The following LSR variants were observed in gnomAD, a reference collection of about 807,000 sequenced individuals.
LSR encodes lipolysis-stimulated lipoprotein receptor.
Under a neutral mutation model 61.8 loss-of-function variants are expected in LSR, and 44 were observed. The ratio of observed to expected loss-of-function variants is 0.71; its 90% CI spans 0.56 to 0.91. LSR has a LOEUF of 0.91. Among genes scored for constraint, LSR ranks in the 40% least tolerant of loss-of-function variants. LSR has a pLI of 0.00. For synonymous variants in LSR, 397 were observed against 350.6 expected, an observed-to-expected ratio of 1.13 and a Z score of -1.48; for missense variants, 911 against 830.5, an observed-to-expected ratio of 1.10 and a Z score of -1.19.
chr19:35,249,197 G>A (rs2065757866), intron 1 of LSR, 66 bp downstream of exon 1: 3 of 1,484,862 alleles, frequency 2.0e-6, no homozygotes, highest in Non-Finnish European at 2.7e-6. Context: ...GATGGATGGA[G>A]TTGGAGGCGG....
At chr19:35,261,587 C>A (rs1418558539) in intron 3 of LSR, among the ~76,000 whole-genome samples, 2 of 152,136 alleles carry the variant, frequency 1.3e-5, no homozygotes, top group Admixed American at 1.3e-4. Context: ...ACAGGACATC[C>A]CTATCACCGT....
intron 2 of LSR, among the ~76,000 whole-genome samples, chr19:35,258,531 G>C (rs1184652686): frequency 1.3e-5 from 2 of 151,754 alleles, no homozygotes; most frequent in African/African-American, 4.8e-5. Context: ...CTTGAGTCCA[G>C]GAGGTTGAAG....
chr19:35,252,100 C>T (rs1244688166), intron 2 of LSR, among the ~76,000 whole-genome samples: 1 of 151,868 alleles, frequency 6.6e-6, no homozygotes, highest in East Asian at 2.0e-4. Context: ...TCCCAAAGTG[C>T]TGGGATTACA....
chr19:35,267,533 C>G lies in LSR; in HGVS notation c.1569C>G (p.Thr523=). ...PADPRSHHHR[T]RDPRDNGSRS... is the part of the protein sequence containing the mutation. ...ACCCCAGGTCCCACCACCACCGTAC[C>G]CGGGACCCTCGGGACAACGGCTCCA... Residue 523 remains threonine, a synonymous_variant, in exon 9 of 10, where the codon ACC becomes ACG. Coordinates refer to ENST00000605618, the MANE Select transcript of LSR (RefSeq NM_205834.4). The G allele has an allele frequency of 6.2e-7, 1 of 1,612,284 alleles. No homozygotes were observed. Among genetic ancestry groups the G allele is most frequent in the Non-Finnish European group, 8.5e-7 (1 of 1,179,774 alleles).
chr19:35,266,748 C>T lies in LSR; in HGVS notation c.1012+10C>T, dbSNP rs760360622. 1 of 1,608,976 alleles carries T rather than the reference C, an allele frequency of 6.2e-7. No individual in the cohort carries two copies. The highest frequency in any genetic ancestry group is 1.1e-5 in the South Asian group (1 of 89,950). ...AGCAGTGTGGCCTCTGGTGAGAATC[C>T]ATCGTCCCGAAGTTGGATGTGCCTG... On this transcript the variant is annotated intron_variant, in intron 7 of 9. Transcript: ENST00000605618.
At chr19:35,262,132 G>T in intron 4 of LSR, 151 bp downstream of exon 4, 1 of 744,188 alleles carries the variant, frequency 1.3e-6, no homozygotes, top group Non-Finnish European at 2.2e-6. Flanking sequence ...GAGGCATCTA[G>T]TGGTCTGGCG....
At position 35,259,069 on chromosome 19, in the gene LSR, G is replaced by C. The variant is rs764227347; in HGVS notation, c.574+5G>C. On this transcript the variant is annotated splice_donor_5th_base_variant and intron_variant, in intron 3 of 9. Coordinates refer to ENST00000605618, the MANE Select transcript of LSR (RefSeq NM_205834.4). The stretch of plus-strand genomic sequence containing the variant: ...ACGCAGAGCTCATCGTCCTTGGTGA[G>C]TGGGCCTGGGAAGGGGGAGGCATGG... 1 of 1,611,794 alleles carries C rather than the reference G, an allele frequency of 6.2e-7. No individual in the cohort carries two copies. Among genetic ancestry groups the C allele is most frequent in the Non-Finnish European group, 8.5e-7 (1 of 1,178,378 alleles).
chr19:35,251,272 C>T (rs1297964252), intron 2 of LSR, among the ~76,000 whole-genome samples: 3 of 152,108 alleles, frequency 2.0e-5, no homozygotes, highest in Non-Finnish European at 2.9e-5. Context: ...GAGACAAACA[C>T]GACACACACT....
chr19:35,264,939 CAG>C (rs3830663), intron 5 of LSR: 17,863 of 152,228 alleles, frequency 0.12, 1,226 homozygotes, highest in South Asian at 0.22. Flanking sequence ...CTGGTGCACA[CAG>C]AGTGACCCCA....
chr19:35,262,499 T>C lies in LSR; in HGVS notation c.632-47T>C, dbSNP rs150065859. The C allele has an allele frequency of 3.7e-4, 598 of 1,611,268 alleles. 1 individual carries two copies. In the Middle Eastern group the frequency reaches 7.1e-3, roughly 19 times the overall value. On this transcript the variant is annotated intron_variant, in intron 4 of 9. Transcript: ENST00000605618. ...TGTACCCCTGCTGTGCCGTTAGCCC[T>C]GTTCCCTCCCAGGCCTCCGGGCTCA...
intron 1 of LSR, among the ~76,000 whole-genome samples, chr19:35,249,992 C>G (rs923791312): frequency 6.6e-6 from 1 of 152,146 alleles, no homozygotes; most frequent in Non-Finnish European, 1.5e-5. Context: ...CCAGGCCACA[C>G]AGAGGCCCCT....
chr19:35,257,097 C>T (rs1372530230), intron 2 of LSR, among the ~76,000 whole-genome samples: 1 of 152,134 alleles, frequency 6.6e-6, no homozygotes, highest in African/African-American at 2.4e-5. Flanking sequence ...CTCAGCCTCC[C>T]AAAGTGTTAG....
At chr19:35,255,675 G>C (rs775633870) in intron 2 of LSR, among the ~76,000 whole-genome samples, 33 of 152,182 alleles carry the variant, frequency 2.2e-4, no homozygotes, top group Non-Finnish European at 4.3e-4. Context: ...CTTCACATCT[G>C]CTCTGAAGGT....
chr19:35,265,800 A>T (rs957227455), intron 5 of LSR, among the ~76,000 whole-genome samples: 2 of 137,788 alleles, frequency 1.5e-5, no homozygotes, highest in Non-Finnish European at 3.2e-5. Flanking sequence ...ACTGCATCTC[A>T]ATCTGGAAGG....
intron 5 of LSR, among the ~76,000 whole-genome samples, chr19:35,263,790 C>A (rs1474626829): frequency 1.3e-5 from 2 of 152,008 alleles, no homozygotes; most frequent in African/African-American, 4.8e-5. Context: ...ACTACCACAC[C>A]TGGCCTTAAA....
chr19:35,261,649 G>A (rs913142672), intron 3 of LSR, among the ~76,000 whole-genome samples: 6 of 152,210 alleles, frequency 3.9e-5, no homozygotes, highest in African/African-American at 1.4e-4. Context: ...AACTTAGGGT[G>A]CCCAAGCTGA....
In LSR at chr19:35,250,657, G is replaced by T. The variant is rs890752245; in HGVS notation, c.452G>T (p.Gly151Val). Residue 151 changes from glycine to valine, a missense_variant and splice_region_variant, in exon 2 of 10, where the codon GGA becomes GTA. Physicochemically the swap from Gly to Val is moderately radical, Grantham distance 109 (BLOSUM62 -3). Coordinates refer to ENST00000605618, the MANE Select transcript of LSR (RefSeq NM_205834.4). Reference sequence around the variant, plus strand: ...CAGGGCCGGAGGATTACCATCACCGGAAGTATGTTGGGCAGGGCAGGGGGA... The same window carrying T: ...CAGGGCCGGAGGATTACCATCACCGTAAGTATGTTGGGCAGGGCAGGGGGA... ...YYQGRRITIT[G>V]NADLTFDQTA... The T allele has an allele frequency of 6.4e-7, 1 of 1,553,040 alleles. No homozygotes were observed. Among genetic ancestry groups the T allele is most frequent in the South Asian group, 1.2e-5 (1 of 82,302 alleles).
chr19:35,251,865 C>T (rs979662663), intron 2 of LSR, among the ~76,000 whole-genome samples: 4 of 67,954 alleles, frequency 5.9e-5, no homozygotes, highest in South Asian at 5.6e-4. Context: ...GACGGAGTCT[C>T]GCTCTGTCGC....
intron 6 of LSR, 68 bp from the exon 7 acceptor site, chr19:35,266,611 G>A (rs1299939057): frequency 6.2e-7 from 1 of 1,601,062 alleles, no homozygotes; most frequent in African/African-American, 1.3e-5. Context: ...CTGGAAGGAA[G>A]AGTGTCTTGG....
Sources: allele counts gnomAD v4.1 joint callset (sites outside exome capture counted in the v4.1 genomes callset), GRCh38; gene constraint gnomAD v4.1.1; transcripts MANE v1.5; gene names NCBI Gene and HGNC (gene_info 2026-07-23, HGNC 2026-07-21).